Variants in CACNA1D observed in about 807,000 individuals in gnomAD.
CACNA1D encodes calcium voltage-gated channel subunit alpha1 D.
In CACNA1D, 55 loss-of-function variants were observed where a neutral mutation model predicts 257.1. The ratio of observed to expected loss-of-function variants is 0.21; its 90% CI spans 0.17 to 0.27. The LOEUF (loss-of-function observed/expected upper bound fraction) is 0.27. CACNA1D is among the 10% of genes least tolerant of loss of function. The pLI, the probability that CACNA1D is intolerant of heterozygous loss-of-function variation, is 1.00. For missense variants in CACNA1D, 1,876 were observed against 2,784.0 expected (o/e 0.67, Z 7.34); for synonymous variants, 980 against 1,014.9 (o/e 0.97, Z 0.65).
At chr3:53,794,854 A>T (rs1419624569) in intron 40 of CACNA1D, among the ~76,000 whole-genome samples, 1 of 152,222 alleles carries the variant, frequency 6.6e-6, no homozygotes, top group Non-Finnish European at 1.5e-5. Context: ...GACCCCTGAC[A>T]GTGTCTTGGG....
At chr3:53,735,691 A>G (rs917237254) in intron 20 of CACNA1D, among the ~76,000 whole-genome samples, 188 bp downstream of exon 20, 25 of 152,168 alleles carry the variant, frequency 1.6e-4, no homozygotes, top group African/African-American at 5.8e-4. Flanking sequence ...GGTAAATCTG[A>G]ATGGAATCAT....
intron 3 of CACNA1D, among the ~76,000 whole-genome samples, chr3:53,549,795 G>A (rs1184414577): frequency 2.6e-5 from 4 of 152,190 alleles, no homozygotes; most frequent in South Asian, 2.1e-4. Context: ...TGTGCAGATC[G>A]TTTCAGATCA....
At chr3:53,518,324 C>T (rs2091423145) in intron 3 of CACNA1D, among the ~76,000 whole-genome samples, 1 of 152,250 alleles carries the variant, frequency 6.6e-6, no homozygotes, top group Non-Finnish European at 1.5e-5. Context: ...TCCCATTTCT[C>T]TTAAATCCTC....
intron 8 of CACNA1D, among the ~76,000 whole-genome samples, chr3:53,681,249 A>G (rs1271308488): frequency 1.3e-5 from 2 of 152,226 alleles, no homozygotes; most frequent in East Asian, 3.8e-4. Flanking sequence ...CCACGGTCTT[A>G]TGAGAACTTA....
In CACNA1D at chr3:53,804,560, C is replaced by T. The variant is rs1248425437; in HGVS notation, c.5586-423C>T. On this transcript the variant is annotated intron_variant, in intron 44 of 47. Transcript: ENST00000350061. Reference sequence around the variant, plus strand: ...CTCTTCCAGCACTGGCCCTTTCCAGCTCGCATTTGATTTCTGTGTGCTCAT... The same window carrying T: ...CTCTTCCAGCACTGGCCCTTTCCAGTTCGCATTTGATTTCTGTGTGCTCAT... Among the ~76,000 whole-genome samples, 8 of 152,242 alleles carry T rather than the reference C, an allele frequency of 5.3e-5. No individual in the cohort carries two copies. The East Asian group carries it at 1.3e-3, about 26-fold the overall frequency.
At position 53,723,175 on chromosome 3, in the gene CACNA1D, C is replaced by T. The variant is rs528660998; in HGVS notation, c.1667-259C>T. ...GAGCTGCCCCTTCCCATTTTGTCAT[C>T]AGTGACACTGAGACCTGGAGAAATC... On this transcript the variant is annotated intron_variant, in intron 12 of 47. Coordinates refer to ENST00000350061, the MANE Select transcript of CACNA1D (RefSeq NM_001128840.3). The surrounding 1 kb of genome is among the most constrained non-coding windows in gnomAD (Gnocchi z 5.6). Among the ~76,000 whole-genome samples, 24 of 152,260 alleles carry T rather than the reference C, an allele frequency of 1.6e-4. No homozygotes were observed. In the South Asian group the frequency reaches 3.5e-3, roughly 22 times the overall value.
At chr3:53,658,431 C>T (rs1462697226) in intron 4 of CACNA1D, among the ~76,000 whole-genome samples, 2 of 152,204 alleles carry the variant, frequency 1.3e-5, no homozygotes, top group Admixed American at 6.5e-5. Context: ...CTGACTTGGC[C>T]TCTTTGGTGG....
At chr3:53,693,363 A>G (rs756386384) in intron 8 of CACNA1D, among the ~76,000 whole-genome samples, 3 of 152,186 alleles carry the variant, frequency 2.0e-5, no homozygotes, top group Admixed American at 1.3e-4. Flanking sequence ...TGGTTGAGGG[A>G]AAAATGGAAC....
chr3:53,652,670 G>A (rs2094109630), intron 4 of CACNA1D, among the ~76,000 whole-genome samples: 2 of 152,202 alleles, frequency 1.3e-5, no homozygotes. Flanking sequence ...CAGGGCCACT[G>A]GTAGTAGTGC....
intron 20 of CACNA1D, among the ~76,000 whole-genome samples, chr3:53,737,738 G>A (rs750281137): frequency 5.3e-5 from 8 of 152,324 alleles, no homozygotes; most frequent in East Asian, 1.9e-4. Context: ...CAGGAGAATC[G>A]CTTGAACCCA....
intron 3 of CACNA1D, among the ~76,000 whole-genome samples, chr3:53,512,632 T>C (rs1168785504): frequency 6.6e-6 from 1 of 152,126 alleles, no homozygotes; most frequent in Non-Finnish European, 1.5e-5. Flanking sequence ...TCCCAATCTG[T>C]TTTCTTCCTA....
At position 53,718,666 on chromosome 3, in the gene CACNA1D, C is replaced by T. The variant is rs767072137; in HGVS notation, c.1478+278C>T. The T allele has an allele frequency of 5.8e-6, 9 of 1,552,702 alleles. No individual in the cohort carries two copies. The South Asian group carries it at 1.1e-4, about 18-fold the overall frequency. On this transcript the variant is annotated intron_variant, in intron 10 of 47. Coordinates refer to ENST00000350061, the MANE Select transcript of CACNA1D (RefSeq NM_001128840.3). ...AGAATGTGGTGGTTAACCTGGCCAC[C>T]TGCTGTGTCCATTAGGTGCTGGTGG...
At chr3:53,669,210 C>A (rs1041546546) in intron 7 of CACNA1D, among the ~76,000 whole-genome samples, 7 of 152,250 alleles carry the variant, frequency 4.6e-5, no homozygotes, top group South Asian at 2.1e-4. Flanking sequence ...GCCAAGGAAC[C>A]AAGCCTTCCT....
intron 30 of CACNA1D, among the ~76,000 whole-genome samples, chr3:53,769,399 C>G (rs1029349667): frequency 6.6e-6 from 1 of 152,204 alleles, no homozygotes; most frequent in Non-Finnish European, 1.5e-5. Flanking sequence ...TGTAGGGAAG[C>G]CTGCCTCTCT....
At chr3:53,496,350 C>T (rs573063590) in intron 1 of CACNA1D, among the ~76,000 whole-genome samples, 2 of 152,332 alleles carry the variant, frequency 1.3e-5, no homozygotes, top group East Asian at 1.9e-4. Flanking sequence ...ATAATTCCCT[C>T]TTAGGCCTGG....
chr3:53,664,623 C>T (rs1182693941), intron 5 of CACNA1D, among the ~76,000 whole-genome samples: 2 of 152,254 alleles, frequency 1.3e-5, no homozygotes, highest in Non-Finnish European at 2.9e-5. Flanking sequence ...TTCTTCTTCC[C>T]TGAAGTTGCC....
intron 30 of CACNA1D, among the ~76,000 whole-genome samples, chr3:53,767,030 T>G (rs1048934881): frequency 1.3e-5 from 2 of 151,978 alleles, no homozygotes; most frequent in Admixed American, 6.5e-5. Flanking sequence ...GGGGATGGAG[T>G]CTAATCGCTC....
intron 3 of CACNA1D, among the ~76,000 whole-genome samples, chr3:53,620,443 C>T (rs773210205): frequency 3.6e-4 from 55 of 151,992 alleles, no homozygotes; most frequent in African/African-American, 9.2e-4. Flanking sequence ...GGCACACCAA[C>T]ACACCTGGCT....
chr3:53,639,894 C>T (rs1403247235), intron 3 of CACNA1D, among the ~76,000 whole-genome samples: 4 of 140,870 alleles, frequency 2.8e-5, no homozygotes, highest in Admixed American at 7.4e-5. Context: ...CACAGAGTCT[C>T]GCTCTCACCC....
Sources: gnomAD v4.1 joint callset for allele counts (sites outside exome capture counted in the v4.1 genomes callset) on GRCh38, gnomAD v4.1.1 for gene constraint, Gnocchi (gnomAD v3.1) non-coding constraint, MANE v1.5 for transcripts, NCBI Gene and HGNC (gene_info 2026-07-23, HGNC 2026-07-21) for gene names.